The following CDK6 variants were observed in gnomAD, a reference collection of about 807,000 sequenced individuals.
CDK6 encodes the protein cyclin dependent kinase 6.
Under a neutral mutation model 37.1 loss-of-function variants are expected in CDK6, and 6 were observed. The observed-to-expected ratio is 0.16, with a 90% CI of 0.09 to 0.32. The LOEUF (loss-of-function observed/expected upper bound fraction) is 0.32. Ranked by LOEUF, CDK6 falls within the 10% of genes least tolerant of loss-of-function variation. CDK6 has a pLI of 1.00. For missense variants in CDK6, 224 were observed against 418.9 expected (o/e 0.53, Z 4.06); for synonymous variants, 160 against 161.3 (o/e 0.99, Z 0.06).
intron 4 of CDK6, among the ~76,000 whole-genome samples, chr7:92,697,302 G>A (rs1006395726): frequency 6.6e-6 from 1 of 152,136 alleles, no homozygotes; most frequent in African/African-American, 2.4e-5. Flanking sequence ...GGAATGTTTT[G>A]AGAAGCTCAA....
chr7:92,612,044 G>A lies in CDK6; in HGVS notation c.*3096C>T, dbSNP rs1795574147. 1 of 232,770 alleles carries A rather than the reference G, an allele frequency of 4.3e-6. No homozygotes were observed. Among genetic ancestry groups the A allele is most frequent in the Admixed American group, 5.6e-5 (1 of 17,776 alleles). The allele number at this position is 232,770 out of a possible 1,614,324, so 14.4% of individuals were successfully genotyped here. On this transcript the variant is annotated 3_prime_UTR_variant, in exon 8 of 8. Transcript: ENST00000424848. The stretch of plus-strand genomic sequence containing the variant: ...TTAGAAATTGTATTTTTAAGATTAG[G>A]TCCTTTTTATTACCCTTTGCCATGG...
At chr7:92,649,284 TA>T (rs1238222206) in intron 5 of CDK6, among the ~76,000 whole-genome samples, 2 of 152,188 alleles carry the variant, frequency 1.3e-5, no homozygotes, top group African/African-American at 4.8e-5. Context: ...TGTCAATTGT[TA>T]AAAAATGAAG....
chr7:92,746,135 T>C (rs1162837116), intron 3 of CDK6, among the ~76,000 whole-genome samples: 2 of 152,212 alleles, frequency 1.3e-5, no homozygotes, highest in South Asian at 2.1e-4. Flanking sequence ...TAGTATTCTA[T>C]ACATAGCAGT....
intron 3 of CDK6, among the ~76,000 whole-genome samples, chr7:92,736,374 T>A (rs1296460273): frequency 6.6e-6 from 1 of 152,050 alleles, no homozygotes; most frequent in East Asian, 1.9e-4. Context: ...GAATAGAGTG[T>A]CCCAAGGAGC....
intron 5 of CDK6, among the ~76,000 whole-genome samples, chr7:92,647,554 C>T (rs1039358803): frequency 1.3e-5 from 2 of 152,108 alleles, no homozygotes; most frequent in African/African-American, 4.8e-5. Flanking sequence ...CTTATGGATC[C>T]AAATAAGAAT....
chr7:92,813,351 C>A (rs759677199), intron 2 of CDK6, among the ~76,000 whole-genome samples: 1 of 151,924 alleles, frequency 6.6e-6, no homozygotes, highest in Non-Finnish European at 1.5e-5. Flanking sequence ...AAAAATGCAC[C>A]AAAGCTTTCT....
At chr7:92,737,012 T>C (rs1055910187) in intron 3 of CDK6, among the ~76,000 whole-genome samples, 2 of 152,222 alleles carry the variant, frequency 1.3e-5, no homozygotes, top group East Asian at 3.9e-4. Context: ...TGTTATTTAA[T>C]CTTCCCTCCG....
At chr7:92,763,662 C>T (rs1016986977) in intron 3 of CDK6, among the ~76,000 whole-genome samples, 1 of 152,210 alleles carries the variant, frequency 6.6e-6, no homozygotes, top group African/African-American at 2.4e-5. Context: ...AAGCACCACA[C>T]CTGACTTCAC....
chr7:92,622,300 T>G (rs1795821454), intron 6 of CDK6, among the ~76,000 whole-genome samples: 2 of 152,180 alleles, frequency 1.3e-5, no homozygotes, highest in African/African-American at 2.4e-5. Flanking sequence ...GCGATGTAAC[T>G]GAAACCAAAG....
intron 2 of CDK6, among the ~76,000 whole-genome samples, chr7:92,782,413 T>C (rs890112832): frequency 6.6e-6 from 1 of 152,212 alleles, no homozygotes; most frequent in Non-Finnish European, 1.5e-5. Flanking sequence ...TCTGGCAATC[T>C]GGTTTTAACA....
At chr7:92,634,180 CT>C (rs1796118464) in intron 5 of CDK6, among the ~76,000 whole-genome samples, 2 of 152,090 alleles carry the variant, frequency 1.3e-5, no homozygotes, top group Non-Finnish European at 2.9e-5. Context: ...ATATGTAACT[CT>C]TTAAGCCATC....
At chr7:92,756,171 G>A (rs1014768) in intron 3 of CDK6, among the ~76,000 whole-genome samples, 27,276 of 148,842 alleles carry the variant, frequency 0.18, 3,559 homozygotes, top group African/African-American at 0.37. Context: ...AAAAAAAAAA[G>A]AAAAAAAGAC....
At chr7:92,784,129 C>A (rs1218605127) in intron 2 of CDK6, among the ~76,000 whole-genome samples, 4 of 151,716 alleles carry the variant, frequency 2.6e-5, no homozygotes, top group Non-Finnish European at 5.9e-5. Flanking sequence ...TCATAAAATG[C>A]GATTTGTTGT....
In CDK6 at chr7:92,723,154, C is replaced by A. The variant is rs927444827; in HGVS notation, c.537+2472G>T. Among the ~76,000 whole-genome samples the A allele has an allele frequency of 5.3e-5, 8 of 152,168 alleles. No homozygotes were observed. In the South Asian group the frequency reaches 1.7e-3, roughly 32 times the overall value. ...TAGGGCCACTGCCCTCCAGCCTGGG[C>A]AACAGAGTGAAACTCTGTCTCAAAA... On this transcript the variant is annotated intron_variant, in intron 4 of 7. Transcript: ENST00000424848.
chr7:92,809,307 C>T (rs899537284), intron 2 of CDK6, among the ~76,000 whole-genome samples: 1 of 152,088 alleles, frequency 6.6e-6, no homozygotes, highest in African/African-American at 2.4e-5. Flanking sequence ...CAAATGTGCT[C>T]AATGTTAATA....
intron 2 of CDK6, among the ~76,000 whole-genome samples, chr7:92,786,464 A>G (rs980764455): frequency 6.6e-6 from 1 of 152,176 alleles, no homozygotes; most frequent in Admixed American, 6.5e-5. Flanking sequence ...AACACAAATG[A>G]AAACCTCAGT....
chr7:92,609,875 TC>T lies in CDK6; in HGVS notation c.*5264del, dbSNP rs1480322650. On this transcript the variant is annotated 3_prime_UTR_variant, in exon 8 of 8. Transcript: ENST00000424848. ...TTAAATGATCAAAATGGGTGTATTATCCATCCTTAAGAACAATTTATTTGCA... is the reference window on the plus strand; with the variant it reads ...TTAAATGATCAAAATGGGTGTATTATCATCCTTAAGAACAATTTATTTGCA... 3.9e-5 allele frequency: 9 copies of T among 230,602 alleles called. No homozygotes were observed. Among genetic ancestry groups the T allele is most frequent in the Non-Finnish European group, 8.6e-6 (1 of 116,568 alleles). The allele number at this position is 230,602 out of a possible 1,614,324, so 14.3% of individuals were successfully genotyped here.
chr7:92,628,819 C>A (rs1038847351), intron 5 of CDK6, among the ~76,000 whole-genome samples: 2 of 152,066 alleles, frequency 1.3e-5, no homozygotes, highest in Admixed American at 6.6e-5. Flanking sequence ...GACAATTATT[C>A]TCCTATATCC....
rs1175077833 is a variant in CDK6, at chr7:92,833,755, G to A, written c.-367-65C>T. ...AGACAGCCCAGAAGCCTTCCTCGGG[G>A]TTCCTCCAGACTCCCCTCCTCCTCC... On this transcript the variant is annotated intron_variant, in intron 1 of 7. Coordinates refer to ENST00000424848, the MANE Select transcript of CDK6 (RefSeq NM_001145306.2). The surrounding 1 kb of genome is among the most constrained non-coding windows in gnomAD (Gnocchi z 6.1). 7 of 410,158 alleles carry A rather than the reference G, an allele frequency of 1.7e-5. No homozygotes were observed. The highest frequency in any genetic ancestry group is 1.2e-4 in the African/African-American group (6 of 48,670). 25.4% of individuals were successfully genotyped at this position (410,158 alleles called of 1,614,324 possible).
Sources: gnomAD v4.1 joint callset for allele counts (sites outside exome capture counted in the v4.1 genomes callset) on GRCh38, gnomAD v4.1.1 for gene constraint, Gnocchi (gnomAD v3.1) non-coding constraint, MANE v1.5 for transcripts, NCBI Gene and HGNC (gene_info 2026-07-23, HGNC 2026-07-21) for gene names.